Variants in TMEM184B observed in about 807,000 individuals in gnomAD.
TMEM184B encodes transmembrane protein 184B, also known as putative MAPK-activating protein FM08.
A neutral mutation model predicts 41.8 loss-of-function variants in TMEM184B; 17 were observed. That is an observed-to-expected ratio of 0.41 (90% CI 0.28 to 0.61). The LOEUF (loss-of-function observed/expected upper bound fraction) is 0.61. Ranked by LOEUF, TMEM184B falls within the 20% of genes least tolerant of loss-of-function variation. The pLI, the probability that TMEM184B is intolerant of heterozygous loss-of-function variation, is 0.34. For missense variants in TMEM184B, 393 were observed against 557.8 expected (o/e 0.70, Z 2.98); for synonymous variants, 240 against 229.5 (o/e 1.05, Z -0.41).
chr22:38,226,193 C>T lies in TMEM184B; in HGVS notation c.617+586G>A, dbSNP rs2091433247. 6.6e-6 allele frequency among the ~76,000 whole-genome samples: 1 copy of T among 151,982 alleles called. No individual in the cohort carries two copies. Among genetic ancestry groups the T allele is most frequent in the African/African-American group, 2.4e-5 (1 of 41,342 alleles). ...CTCCTGGGTTCAAGCGATTCTCCTG[C>T]CTCAGCCTCCCGAGTAGCTGGGATT... is the stretch of plus-strand genomic sequence containing the variant. On this transcript the variant is annotated intron_variant, in intron 6 of 8. Transcript: ENST00000361906. The surrounding 1 kb of genome is among the most constrained non-coding windows in gnomAD (Gnocchi z 4.6).
downstream of TMEM184B, among the ~76,000 whole-genome samples, chr22:38,217,031 AAAGT>A (rs1411328821): frequency 2.7e-5 from 4 of 150,604 alleles, no homozygotes; most frequent in Admixed American, 6.6e-5. Flanking sequence ...AAGAAATTTA[AAAGT>A]AAGAAAACAG....
At chr22:38,235,827 T>C (rs1334214686) in intron 3 of TMEM184B, among the ~76,000 whole-genome samples, 1 of 152,108 alleles carries the variant, frequency 6.6e-6, no homozygotes, top group Non-Finnish European at 1.5e-5. Flanking sequence ...GATGCGTGCG[T>C]GGATGTAAGA....
At chr22:38,217,761 G>C (rs9622757), downstream of TMEM184B, among the ~76,000 whole-genome samples, 64,046 of 149,234 alleles carry the variant, frequency 0.43, 15,491 homozygotes, top group Non-Finnish European at 0.54. Flanking sequence ...AACCCGGGAA[G>C]CAGAGGTTGC....
intron 3 of TMEM184B, chr22:38,231,571 C>A: frequency 1.5e-6 from 1 of 649,588 alleles, no homozygotes; most frequent in Non-Finnish European, 2.8e-6. Flanking sequence ...TGCACCCCTG[C>A]ACTGGCGTAA....
intron 3 of TMEM184B, among the ~76,000 whole-genome samples, chr22:38,241,836 G>A (rs6001063): frequency 0.58 from 83,706 of 145,398 alleles, 25,923 homozygotes; most frequent in African/African-American, 0.82. Context: ...GTGAGCCGAG[G>A]TGGCGTCACT....
chr22:38,259,936 T>A (rs1303383126), intron 1 of TMEM184B, among the ~76,000 whole-genome samples: 3 of 120,640 alleles, frequency 2.5e-5, no homozygotes, highest in Non-Finnish European at 4.9e-5. Flanking sequence ...CCACCACGCC[T>A]GGCTTTTTTT....
chr22:38,221,065 G>T lies in TMEM184B; in HGVS notation c.*404C>A, dbSNP rs943748837. On this transcript the variant is annotated 3_prime_UTR_variant, in exon 9 of 9. Transcript: ENST00000361906. ...TCAGACAGGGTATTGCACGGTGTGTGGGGGAGCCACGGCTTGCCGACCTCA... is the reference window on the plus strand; with the variant it reads ...TCAGACAGGGTATTGCACGGTGTGTTGGGGAGCCACGGCTTGCCGACCTCA... The T allele has an allele frequency of 1.9e-6, 2 of 1,057,442 alleles. No individual in the cohort carries two copies. The highest frequency in any genetic ancestry group is 1.1e-6 in the Non-Finnish European group (1 of 874,872). 65.5% of individuals were successfully genotyped at this position (1,057,442 alleles called of 1,614,324 possible). A position where few individuals can be genotyped will look rare whatever the true frequency, so the allele number is the denominator to read the frequency against.
intron 8 of TMEM184B, chr22:38,223,328 G>T (rs1175331675): frequency 6.6e-6 from 1 of 152,352 alleles, no homozygotes. Context: ...GGTGGCCCCA[G>T]GCCCCAGGCC....
At chr22:38,256,560 T>C (rs9619728) in intron 1 of TMEM184B, among the ~76,000 whole-genome samples, 41,652 of 152,060 alleles carry the variant, frequency 0.27, 6,275 homozygotes, top group Middle Eastern at 0.38. Flanking sequence ...TTCCACAAGA[T>C]AACCAATAAA....
chr22:38,260,276 G>A (rs932817986), intron 1 of TMEM184B, among the ~76,000 whole-genome samples: 2 of 151,876 alleles, frequency 1.3e-5, no homozygotes, highest in African/African-American at 2.4e-5. Flanking sequence ...GGCTGGTCTC[G>A]AACTCCTGAC....
chr22:38,220,228 G>A lies in TMEM184B; in HGVS notation c.*1241C>T, dbSNP rs2091221793. 3 of 985,798 alleles carry A rather than the reference G, an allele frequency of 3.0e-6. No homozygotes were observed. The South Asian group carries it at 1.4e-4, about 46-fold the overall frequency. 61.1% of individuals were successfully genotyped at this position (985,798 alleles called of 1,614,324 possible). On this transcript the variant is annotated 3_prime_UTR_variant, in exon 9 of 9. Transcript: ENST00000361906. ...TCTAGAGGTGTGGAGGGGGAGAGGAGGGGCTTGGTGGTCCTGACCACTCCT... is the reference window on the plus strand; with the variant it reads ...TCTAGAGGTGTGGAGGGGGAGAGGAAGGGCTTGGTGGTCCTGACCACTCCT...
rs180793737 is a variant in TMEM184B, at chr22:38,234,760, C to T, written c.359-3426G>A. ...CTCTCTGGGCTCTGCCTGATCCCTC[C>T]GGCACAAAAGCAACATTAAGTAAGG... On this transcript the variant is annotated intron_variant, in intron 3 of 8. Transcript: ENST00000361906. 2.5e-3 allele frequency among the ~76,000 whole-genome samples: 387 copies of T among 152,296 alleles called. 2 individuals are homozygous for T. The highest frequency in any genetic ancestry group is 8.7e-3 in the African/African-American group (362 of 41,568).
At position 38,219,802 on chromosome 22, in the gene TMEM184B, TG is replaced by T. The variant is rs1178290874; in HGVS notation, c.*1666del. On this transcript the variant is annotated 3_prime_UTR_variant, in exon 9 of 9. Transcript: ENST00000361906. The stretch of plus-strand genomic sequence containing the variant: ...GCAGGGCCAGGGCTGGTCCTCAGCC[TG>T]TGTCTGCACCCACCCTCCCGGGCAG... The T allele has an allele frequency of 1.0e-6, 1 of 985,384 alleles. No individual in the cohort carries two copies. Among genetic ancestry groups the T allele is most frequent in the Non-Finnish European group, 1.2e-6 (1 of 829,982 alleles). 61.0% of individuals were successfully genotyped at this position (985,384 alleles called of 1,614,324 possible).
At chr22:38,248,083 T>A (rs1351657301) in intron 1 of TMEM184B, 64 bp from the exon 2 acceptor site, 1 of 1,457,070 alleles carries the variant, frequency 6.9e-7, no homozygotes, top group Non-Finnish European at 9.0e-7. Context: ...GGAAAGAATC[T>A]TCCAGGTCTC....
chr22:38,242,096 T>TA (rs1219027110), intron 3 of TMEM184B, among the ~76,000 whole-genome samples: 2 of 152,116 alleles, frequency 1.3e-5, no homozygotes, highest in East Asian at 3.9e-4. Flanking sequence ...GAGTTTCGTG[T>TA]TTCAACCATA....
chr22:38,252,769 C>G (rs2092195763), intron 1 of TMEM184B, among the ~76,000 whole-genome samples: 1 of 152,154 alleles, frequency 6.6e-6, no homozygotes, highest in Non-Finnish European at 1.5e-5. Flanking sequence ...CTCTCGGAGC[C>G]TCAGTTTCTT....
chr22:38,247,917 G>T lies in TMEM184B; in HGVS notation c.45C>A (p.Pro15=), dbSNP rs764629656. Residue 15 remains proline, a synonymous_variant, in exon 2 of 9, where the codon CCC becomes CCA. Transcript: ENST00000361906. ...GDVLAPDPAS[P]TTAAASPSVS... The stretch of plus-strand genomic sequence containing the variant: ...CGCTGGGCGAGGCTGCTGCGGTCGT[G>T]GGCGACGCTGGATCCGGGGCCAGCA... 2.5e-6 allele frequency: 4 copies of T among 1,601,222 alleles called. No individual in the cohort carries two copies. In the African/African-American group the frequency reaches 5.3e-5, roughly 21 times the overall value.
downstream of TMEM184B, among the ~76,000 whole-genome samples, chr22:38,217,515 G>A (rs529899613): frequency 1.3e-4 from 20 of 151,996 alleles, no homozygotes; most frequent in African/African-American, 4.3e-4. Flanking sequence ...GGTGGCGGGC[G>A]CCTGTAGTCC....
At chr22:38,261,182 T>C (rs183487370) in intron 1 of TMEM184B, among the ~76,000 whole-genome samples, 37 of 152,288 alleles carry the variant, frequency 2.4e-4, no homozygotes, top group East Asian at 1.7e-3. Flanking sequence ...AGCTGCATTA[T>C]TGGGGGAGGC....
Sources: allele counts gnomAD v4.1 joint callset (sites outside exome capture counted in the v4.1 genomes callset), GRCh38; gene constraint gnomAD v4.1.1; non-coding constraint Gnocchi (gnomAD v3.1); transcripts MANE v1.5; gene names NCBI Gene and HGNC (gene_info 2026-07-23, HGNC 2026-07-21).